The following ABCC2 variants were observed in gnomAD, a reference collection of about 807,000 sequenced individuals.
ABCC2 encodes ATP binding cassette subfamily C member 2.
In ABCC2, 157 loss-of-function variants were observed where a neutral mutation model predicts 173.4. The ratio of observed to expected loss-of-function variants is 0.91; its 90% CI spans 0.80 to 1.03. ABCC2 has a LOEUF of 1.03. Among genes scored for constraint, ABCC2 ranks in the 50% least tolerant of loss-of-function variants. The pLI, the probability that ABCC2 is intolerant of heterozygous loss-of-function variation, is 0.00. For synonymous variants in ABCC2, 657 were observed against 693.5 expected (o/e 0.95, Z 0.83); for missense variants, 1,822 against 1,852.3 (o/e 0.98, Z 0.30).
chr10:99,832,447 G>T (rs1590183265), intron 23 of ABCC2, among the ~76,000 whole-genome samples: 2 of 152,108 alleles, frequency 1.3e-5, no homozygotes, highest in East Asian at 3.9e-4. Flanking sequence ...GGAAAAAAAG[G>T]CACTAGCCCA....
chr10:99,849,186 C>T (rs1183599817), intron 30 of ABCC2, among the ~76,000 whole-genome samples: 2 of 152,136 alleles, frequency 1.3e-5, no homozygotes, highest in African/African-American at 4.8e-5. Context: ...GCTGAGATTG[C>T]GCCATTGCAC....
At chr10:99,820,548 A>G (rs1357107612) in intron 19 of ABCC2, among the ~76,000 whole-genome samples, 1 of 152,214 alleles carries the variant, frequency 6.6e-6, no homozygotes, top group Non-Finnish European at 1.5e-5. Flanking sequence ...ACTGGAGCCC[A>G]GGAGTTTGAG....
chr10:99,801,876 A>G (rs545335695), intron 9 of ABCC2, among the ~76,000 whole-genome samples: 2 of 152,266 alleles, frequency 1.3e-5, no homozygotes, highest in East Asian at 3.9e-4. Context: ...TCGTTGAGAG[A>G]CAGTGGCAGA....
Position 99,818,839 on chromosome 10 carries a change from C to G in ABCC2, c.2321C>G (p.Ala774Gly), listed in dbSNP as rs751253980. ...AAGCAGCGGATCAGCCTGGCCAGAGCTACCTACCAAAATTTAGACATCTAT... is the reference window on the plus strand; with the variant it reads ...AAGCAGCGGATCAGCCTGGCCAGAGGTACCTACCAAAATTTAGACATCTAT... ...GQKQRISLAR[A>G]TYQNLDIYLL... The change falls in exon 18 of 32, where the codon GCT becomes GGT. Residue 774 changes from alanine to glycine, a missense_variant. Transcript: ENST00000647814. 2.5e-6 allele frequency: 4 copies of G among 1,614,068 alleles called. No homozygotes were observed. The highest frequency in any genetic ancestry group is 3.4e-6 in the Non-Finnish European group (4 of 1,180,048).
intron 19 of ABCC2, among the ~76,000 whole-genome samples, chr10:99,828,108 A>C (rs889704725): frequency 2.0e-4 from 30 of 150,452 alleles, no homozygotes; most frequent in Non-Finnish European, 3.4e-4. Context: ...CAGTTTTCCC[A>C]TACTAATGGT....
Position 99,832,826 on chromosome 10 carries a change from C to A in ABCC2, c.3258+695C>A, listed in dbSNP as rs144518935. Among the ~76,000 whole-genome samples the A allele has an allele frequency of 1.6e-4, 25 of 152,318 alleles. No individual in the cohort carries two copies. The East Asian group carries it at 3.9e-3, about 24-fold the overall frequency. On this transcript the variant is annotated intron_variant, in intron 23 of 31. Transcript: ENST00000647814. ...TTCACTCATTCATTCATTCAACAAC[C>A]GTTATTGAGCACTTTCTATGAGCCA...
At chr10:99,794,743 C>A (rs1431084603) in intron 6 of ABCC2, 1 of 373,492 alleles carries the variant, frequency 2.7e-6, no homozygotes, top group Admixed American at 4.0e-5. Context: ...CGGGGTTTCA[C>A]CATGTTGGCC....
Position 99,819,128 on chromosome 10 carries a change from C to T in ABCC2, c.2479C>T (p.Gln827Ter), listed in dbSNP as rs759592910. 6.2e-7 allele frequency: 1 copy of T among 1,614,112 alleles called. No individual in the cohort carries two copies. Among genetic ancestry groups the T allele is most frequent in the Non-Finnish European group, 8.5e-7 (1 of 1,180,006 alleles). The change falls in exon 19 of 32, where the codon CAA becomes TAA. Residue 827 changes from glutamine to a stop codon, truncating the protein, a stop_gained. Coordinates refer to ENST00000647814, the MANE Select transcript of ABCC2 (RefSeq NM_000392.5). LOFTEE classifies it high-confidence loss of function. The stretch of plus-strand genomic sequence containing the variant: ...TACACATAGCATGCACTTTCTTCCT[C>T]AAGTGGATGAGATTGTAGTTCTGGG... ...LVTHSMHFLPQVDEIVVLGNG... is the reference protein window; with the variant it reads ...LVTHSMHFLP
rs754646220 is a variant in ABCC2, at chr10:99,847,099, G to A, written c.4285G>A (p.Glu1429Lys). 1.2e-5 allele frequency: 20 copies of A among 1,614,004 alleles called. No individual in the cohort carries two copies. The highest frequency in any genetic ancestry group is 1.0e-4 in the Admixed American group (6 of 60,002). Residue 1429 changes from glutamate (E) to lysine (K), a missense_variant, in exon 30 of 32, where the codon GAA becomes AAA. Glu to Lys is a moderately conservative substitution (Grantham distance 56). Coordinates refer to ENST00000647814, the MANE Select transcript of ABCC2 (RefSeq NM_000392.5). The stretch of plus-strand genomic sequence containing the variant: ...CAGCCTGCAACTTGGGTTATCCCAC[G>A]AAGTGACAGAGGCTGGTGGCAACCT... ...VASLQLGLSH[E>K]VTEAGGNLSI...
intron 2 of ABCC2, among the ~76,000 whole-genome samples, chr10:99,789,885 T>G (rs2037784879): frequency 6.6e-6 from 1 of 152,148 alleles, no homozygotes; most frequent in African/African-American, 2.4e-5. Flanking sequence ...AAAGCCAGGA[T>G]GAAGTCAGTC....
At chr10:99,849,968 A>G (rs943107785) in intron 30 of ABCC2, among the ~76,000 whole-genome samples, 7 of 152,266 alleles carry the variant, frequency 4.6e-5, no homozygotes, top group Non-Finnish European at 8.8e-5. Flanking sequence ...TTTTAGAAGC[A>G]TATTTGAATT....
In ABCC2 at chr10:99,787,102, A is replaced by G. The variant is rs1057262349; in HGVS notation, c.207+2321A>G. On this transcript the variant is annotated intron_variant, in intron 2 of 31. Coordinates refer to ENST00000647814, the MANE Select transcript of ABCC2 (RefSeq NM_000392.5). Reference sequence around the variant, plus strand: ...AGGATCACTTGAACCCGGGAGGTGGAGGTTACAGTGAGCCAAGATCGTGCC... The same window carrying G: ...AGGATCACTTGAACCCGGGAGGTGGGGGTTACAGTGAGCCAAGATCGTGCC... 2.7e-5 allele frequency among the ~76,000 whole-genome samples: 4 copies of G among 150,802 alleles called. No individual in the cohort carries two copies. The East Asian group carries it at 7.8e-4, about 30-fold the overall frequency.
intron 25 of ABCC2, among the ~76,000 whole-genome samples, chr10:99,837,116 TAC>T (rs2133126647): frequency 6.7e-6 from 1 of 150,234 alleles, no homozygotes; most frequent in African/African-American, 2.4e-5. Context: ...GACATTTAAA[TAC>T]ATTTTCTTTG....
intron 19 of ABCC2, among the ~76,000 whole-genome samples, chr10:99,829,071 T>C (rs978613750): frequency 6.6e-6 from 1 of 152,102 alleles, no homozygotes; most frequent in Non-Finnish European, 1.5e-5. Flanking sequence ...GCAGCTGCTG[T>C]GATGTTAAAT....
At chr10:99,848,585 C>T (rs2039049705) in intron 30 of ABCC2, among the ~76,000 whole-genome samples, 1 of 152,204 alleles carries the variant, frequency 6.6e-6, no homozygotes, top group Admixed American at 6.5e-5. Context: ...GTTACATGTG[C>T]AGAATCTCAG....
intron 6 of ABCC2, among the ~76,000 whole-genome samples, chr10:99,796,018 T>G (rs2037905855): frequency 1.3e-5 from 2 of 151,922 alleles, no homozygotes; most frequent in Admixed American, 6.6e-5. Context: ...TATATATAAT[T>G]TATTTTCCAT....
chr10:99,839,258 C>CGGG (rs2038891327), intron 25 of ABCC2, among the ~76,000 whole-genome samples: 3 of 110,194 alleles, frequency 2.7e-5, no homozygotes, highest in Admixed American at 8.3e-5. Context: ...ACCTCCCTCC[C>CGGG]GGACGGGGCG....
chr10:99,846,926 G>T, intron 29 of ABCC2, 35 bp from the exon 30 acceptor site: 2 of 1,613,654 alleles, frequency 1.2e-6, no homozygotes, highest in South Asian at 2.2e-5. Flanking sequence ...TTTCTGGCAT[G>T]AGCCCCAACA....
At chr10:99,811,639 A>G (rs1198491500) in intron 15 of ABCC2, 37 bp downstream of exon 15, 10 of 1,607,184 alleles carry the variant, frequency 6.2e-6, no homozygotes, top group East Asian at 2.2e-5. Flanking sequence ...GTTCTTTAGC[A>G]TTCTCACTGC....
Sources: allele counts gnomAD v4.1 joint callset (sites outside exome capture counted in the v4.1 genomes callset), GRCh38; gene constraint gnomAD v4.1.1; transcripts MANE v1.5; gene names NCBI Gene and HGNC (gene_info 2026-07-23, HGNC 2026-07-21).